GYPC: variants seen among roughly 807,000 people sequenced by gnomAD.
GYPC encodes glycophorin-C.
GYPC carries 14 observed loss-of-function variants against 12.6 expected under a neutral mutation model. The ratio of observed to expected loss-of-function variants is 1.11; its 90% confidence interval spans 0.74 to 1.74. GYPC has a LOEUF of 1.74. Ranked by LOEUF, GYPC falls within the 40% of genes most tolerant of loss-of-function variation. The pLI, the probability that GYPC is intolerant of heterozygous loss-of-function variation, is 0.00. For missense variants in GYPC, 225 were observed against 172.1 expected (o/e 1.31, Z -1.72); for synonymous variants, 78 against 62.1 (o/e 1.26, Z -1.20).
intron 1 of GYPC, among the ~76,000 whole-genome samples, chr2:126,660,909 TC>T (rs1176504784): frequency 2.6e-5 from 4 of 152,124 alleles, no homozygotes; most frequent in Non-Finnish European, 5.9e-5. Context: ...CATTTTCATA[TC>T]CACTCCCTTC....
chr2:126,695,771 T>A (rs895548930), intron 3 of GYPC, among the ~76,000 whole-genome samples, 175 bp from the exon 4 acceptor site: 2 of 152,212 alleles, frequency 1.3e-5, no homozygotes, highest in Non-Finnish European at 2.9e-5. Context: ...TCATTTACAG[T>A]ATTTTTAACT....
intron 1 of GYPC, among the ~76,000 whole-genome samples, chr2:126,676,389 T>C (rs1682995251): frequency 1.3e-5 from 2 of 152,264 alleles, no homozygotes; most frequent in South Asian, 4.1e-4. Flanking sequence ...CACCCATTCC[T>C]GTTGATCATT....
At chr2:126,656,644 G>C (rs1682366323) in intron 1 of GYPC, among the ~76,000 whole-genome samples, 1 of 152,242 alleles carries the variant, frequency 6.6e-6, no homozygotes, top group African/African-American at 2.4e-5. Context: ...GGCCAGAATT[G>C]TCTCCCTAAA....
intron 1 of GYPC, among the ~76,000 whole-genome samples, chr2:126,666,990 C>T (rs7596516): frequency 0.09 from 13,641 of 152,154 alleles, 680 homozygotes; most frequent in Middle Eastern, 0.16. Flanking sequence ...TGTTAGGTGC[C>T]ACATGCTTTT....
intron 1 of GYPC, among the ~76,000 whole-genome samples, chr2:126,681,974 C>A (rs779039471): frequency 4.6e-5 from 7 of 152,268 alleles, no homozygotes; most frequent in Admixed American, 1.3e-4. Context: ...ATGGGTGACC[C>A]CAGGAGCATG....
chr2:126,674,106 TA>T (rs1404923279), intron 1 of GYPC, among the ~76,000 whole-genome samples: 2 of 152,182 alleles, frequency 1.3e-5, no homozygotes, highest in Non-Finnish European at 2.9e-5. Context: ...GGCATTGTAT[TA>T]TAATATTTCT....
chr2:126,678,088 G>A (rs1683059015), intron 1 of GYPC, among the ~76,000 whole-genome samples: 1 of 152,090 alleles, frequency 6.6e-6, no homozygotes, highest in Admixed American at 6.6e-5. Flanking sequence ...CGGCCCTGGT[G>A]GCACGCACCT....
At chr2:126,681,266 C>T (rs1229645130) in intron 1 of GYPC, among the ~76,000 whole-genome samples, 1 of 152,126 alleles carries the variant, frequency 6.6e-6, no homozygotes, top group African/African-American at 2.4e-5. Flanking sequence ...CTTCACTTAA[C>T]ATCAATACCC....
intron 1 of GYPC, among the ~76,000 whole-genome samples, chr2:126,672,295 C>G (rs1682874310): frequency 6.6e-6 from 1 of 152,134 alleles, no homozygotes; most frequent in Non-Finnish European, 1.5e-5. Flanking sequence ...AAGGCCCGGG[C>G]AACCTGTGAC....
chr2:126,665,316 C>T (rs2104773985), intron 1 of GYPC, among the ~76,000 whole-genome samples: 1 of 152,154 alleles, frequency 6.6e-6, no homozygotes, highest in East Asian at 1.9e-4. Flanking sequence ...AATTGTTTTA[C>T]TTCATTATTC....
At chr2:126,673,973 G>T (rs1183958838) in intron 1 of GYPC, among the ~76,000 whole-genome samples, 1 of 152,212 alleles carries the variant, frequency 6.6e-6, no homozygotes, top group Non-Finnish European at 1.5e-5. Flanking sequence ...GGACTGTGGT[G>T]CCTTGTCCTA....
chr2:126,678,238 G>T (rs1204474614), intron 1 of GYPC: 1 of 151,644 alleles, frequency 6.6e-6, no homozygotes, highest in Non-Finnish European at 1.5e-5. Context: ...GGAAAGGAAA[G>T]GAAAGAGGAA....
chr2:126,696,665 C>T lies in GYPC; in HGVS notation c.*523C>T, dbSNP rs1050914511. ...ATTGGAAATAAATTTGAAATGTAAC[C>T]GAGCATTCCGAGTCCAACAGTATTA... is the stretch of plus-strand genomic sequence containing the variant. On this transcript the variant is annotated 3_prime_UTR_variant, in exon 4 of 4. Coordinates refer to ENST00000259254, the MANE Select transcript of GYPC (RefSeq NM_002101.5). 3 of 221,916 alleles carry T rather than the reference C, an allele frequency of 1.4e-5. No homozygotes were observed. The highest frequency in any genetic ancestry group is 7.2e-5 in the South Asian group (1 of 13,932). The allele number at this position is 221,916 out of a possible 1,614,324, so 13.7% of individuals were successfully genotyped here.
At chr2:126,666,891 G>A (rs878918702) in intron 1 of GYPC, among the ~76,000 whole-genome samples, 1 of 152,166 alleles carries the variant, frequency 6.6e-6, no homozygotes, top group Admixed American at 6.5e-5. Context: ...AGGGCAGACA[G>A]GCATTTGGTG....
intron 1 of GYPC, among the ~76,000 whole-genome samples, chr2:126,677,535 CTGTGTGTA>C (rs1378513378): frequency 2.1e-5 from 2 of 93,318 alleles, no homozygotes; most frequent in Non-Finnish European, 5.1e-5. Flanking sequence ...GTGTGTGAGT[CTGTGTGTA>C]TGTGAGTGTG....
chr2:126,688,590 T>C (rs185428199), intron 1 of GYPC, among the ~76,000 whole-genome samples: 9 of 152,316 alleles, frequency 5.9e-5, no homozygotes, highest in Non-Finnish European at 1.3e-4. Context: ...TGGTTCCTGG[T>C]TCCCAAGGTG....
At chr2:126,693,835 G>C (rs765766501) in intron 2 of GYPC, 29 bp from the exon 3 acceptor site, 1 of 1,479,546 alleles carries the variant, frequency 6.8e-7, no homozygotes, top group Non-Finnish European at 9.5e-7. Flanking sequence ...CTTCCTCTCT[G>C]ACCTCAGATT....
In GYPC at chr2:126,690,263, C is replaced by A. The variant is rs766386018; in HGVS notation, c.58C>A (p.Pro20Thr). 6.2e-7 allele frequency: 1 copy of A among 1,612,372 alleles called. No homozygotes were observed. The highest frequency in any genetic ancestry group is 8.5e-7 in the Non-Finnish European group (1 of 1,178,384). Residue 20 changes from proline (P) to threonine (T), a missense_variant, in exon 2 of 4, where the codon CCG (proline) becomes ACG (threonine). By Grantham distance (38) the Pro-to-Thr change is conservative (BLOSUM62 -1). Transcript: ENST00000259254. ...TTGTCCTCTGTTCACAGAGCCTGAT[C>A]CGGGGATGGCCTCTGCCTCCACCAC... is the stretch of plus-strand genomic sequence containing the variant. ...TAWPLSLEPD[P>T]GMASASTTMH...
chr2:126,690,383 C>T (rs1183270318), intron 2 of GYPC, 72 bp downstream of exon 2: 3 of 1,135,254 alleles, frequency 2.6e-6, no homozygotes, highest in African/African-American at 1.5e-5. Context: ...ATCACAGAGC[C>T]CTTTAAGCAG....
Sources: allele counts gnomAD v4.1 joint callset (sites outside exome capture counted in the v4.1 genomes callset), GRCh38; gene constraint gnomAD v4.1.1; transcripts MANE v1.5; gene names NCBI Gene and HGNC (gene_info 2026-07-23, HGNC 2026-07-21).